MYBPC1: variants seen among roughly 807,000 people sequenced by gnomAD.
The protein encoded by MYBPC1 is myosin-binding protein C, slow-type.
A neutral mutation model predicts 147.1 loss-of-function variants in MYBPC1; 52 were observed. That is an observed-to-expected ratio of 0.35 (90% CI 0.28 to 0.45). The LOEUF (loss-of-function observed/expected upper bound fraction) is 0.45. MYBPC1 is among the 20% of genes least tolerant of loss of function. MYBPC1 has a pLI of 1.00. For synonymous variants in MYBPC1, 477 were observed against 475.9 expected, an observed-to-expected ratio of 1.00 and a Z score of -0.03; for missense variants, 1,228 against 1,440.3, an observed-to-expected ratio of 0.85 and a Z score of 2.39.
Position 101,675,486 on chromosome 12 carries a change from G to C in MYBPC1, c.2949+55G>C, listed in dbSNP as rs1263786. On this transcript the variant is annotated intron_variant, in intron 26 of 31. Coordinates refer to ENST00000361466, the MANE Select transcript of MYBPC1 (RefSeq NM_002465.4). ...TAGCAAAAGGCACATTTCATCAGAG[G>C]TAAAGGAGATGGCACAAGGGCCTCA... is the stretch of plus-strand genomic sequence containing the variant. The C allele has an allele frequency of 0.24, 392,305 of 1,610,550 alleles. 51,562 individuals are homozygous for C. The highest frequency in any genetic ancestry group is 0.57 in the East Asian group (25,345 of 44,828).
At chr12:101,647,262 A>G (rs1893384064) in intron 13 of MYBPC1, among the ~76,000 whole-genome samples, 1 of 152,190 alleles carries the variant, frequency 6.6e-6, no homozygotes, top group African/African-American at 2.4e-5. Flanking sequence ...ATCATTTACT[A>G]AGACATTGTG....
intron 2 of MYBPC1, chr12:101,614,755 TA>T (rs1885433133): frequency 1.7e-6 from 1 of 591,716 alleles, no homozygotes; most frequent in Non-Finnish European, 3.0e-6. Context: ...TCATATATAT[TA>T]GGGGGACAAT....
chr12:101,662,488 A>G lies in MYBPC1; in HGVS notation c.2163A>G (p.Ala721=), dbSNP rs1174214508. The change falls in exon 21 of 32, where the codon GCA becomes GCG. Residue 721 remains alanine (A), a synonymous_variant. Transcript: ENST00000361466. ...EGVAYEVRIF[A]VNAIGISKPS... Reference sequence around the variant, plus strand: ...TGGCCTATGAGGTCCGCATCTTTGCAGTCAATGCCATTGGCATCTCCAAGC... The same window carrying G: ...TGGCCTATGAGGTCCGCATCTTTGCGGTCAATGCCATTGGCATCTCCAAGC... 4 of 1,614,130 alleles carry G rather than the reference A, an allele frequency of 2.5e-6. No individual in the cohort carries two copies. In the Admixed American group the frequency reaches 5.0e-5, roughly 20 times the overall value.
At chr12:101,627,022 A>C in intron 4 of MYBPC1, 112 bp downstream of exon 4, 1 of 1,015,038 alleles carries the variant, frequency 9.9e-7, no homozygotes, top group South Asian at 1.4e-5. Flanking sequence ...GAGCAGGGGC[A>C]ACAGTTTTCG....
intron 10 of MYBPC1, among the ~76,000 whole-genome samples, chr12:101,640,016 T>C (rs981138432): frequency 1.4e-4 from 21 of 151,942 alleles, no homozygotes; most frequent in African/African-American, 4.1e-4. Context: ...ATATACATCT[T>C]TTTTGGGTTT....
chr12:101,595,410 G>A (rs1229331237), intron 1 of MYBPC1, among the ~76,000 whole-genome samples: 1 of 152,062 alleles, frequency 6.6e-6, no homozygotes, highest in African/African-American at 2.4e-5. Flanking sequence ...AACAGATTAC[G>A]TTTTCAAGCA....
chr12:101,651,046 C>A, intron 15 of MYBPC1, 185 bp from the exon 16 acceptor site: 1 of 704,044 alleles, frequency 1.4e-6, no homozygotes, highest in South Asian at 1.8e-5. Context: ...CCTAGTTTTT[C>A]TAAGGAATGA....
chr12:101,675,870 G>A (rs1006895828), intron 26 of MYBPC1, among the ~76,000 whole-genome samples: 6 of 152,180 alleles, frequency 3.9e-5, no homozygotes, highest in Admixed American at 1.3e-4. Context: ...TGGATACTGT[G>A]CACTTATGTC....
At chr12:101,605,161 A>G (rs561507242) in intron 1 of MYBPC1, among the ~76,000 whole-genome samples, 1 of 152,326 alleles carries the variant, frequency 6.6e-6, no homozygotes, top group South Asian at 2.1e-4. Context: ...CTGTTAGGTA[A>G]GTTGCTAGAT....
chr12:101,665,604 T>C (rs1012176021), intron 22 of MYBPC1, among the ~76,000 whole-genome samples: 4 of 152,220 alleles, frequency 2.6e-5, no homozygotes, highest in African/African-American at 9.6e-5. Flanking sequence ...AACTTACATG[T>C]TCCTTCCTCA....
At chr12:101,661,099 C>CTTTTTTTTTTTTT in intron 19 of MYBPC1, 59 bp from the exon 20 acceptor site, 1 of 1,103,860 alleles carries the variant, frequency 9.1e-7, no homozygotes, top group South Asian at 1.3e-5. Context: ...TTCCTATTAA[C>CTTTTTTTTTTTTT]TTTTTTTTTC....
At chr12:101,649,896 C>T (rs1244839201) in intron 15 of MYBPC1, among the ~76,000 whole-genome samples, 1 of 152,188 alleles carries the variant, frequency 6.6e-6, no homozygotes, top group Non-Finnish European at 1.5e-5. Flanking sequence ...TCCCTCAATG[C>T]CCTCTACTTC....
At chr12:101,625,367 C>T (rs1888358891) in intron 3 of MYBPC1, among the ~76,000 whole-genome samples, 1 of 152,152 alleles carries the variant, frequency 6.6e-6, no homozygotes, top group South Asian at 2.1e-4. Flanking sequence ...TCTAACTGGA[C>T]TGCACTTGTT....
chr12:101,599,690 A>G (rs1182594448), intron 1 of MYBPC1, among the ~76,000 whole-genome samples: 1 of 150,014 alleles, frequency 6.7e-6, no homozygotes, highest in Non-Finnish European at 1.5e-5. Context: ...AGAGAAAGGA[A>G]TAGGGGAGGA....
intron 1 of MYBPC1, among the ~76,000 whole-genome samples, chr12:101,606,819 G>C (rs1484952996): frequency 1.3e-5 from 2 of 151,904 alleles, no homozygotes; most frequent in South Asian, 4.2e-4. Flanking sequence ...TTTTGGGGGG[G>C]TACACTGTTT....
rs574672766 is a variant in MYBPC1 at position 101,629,347 on chromosome 12, G to A, written c.179-87G>A. On this transcript the variant is annotated intron_variant, in intron 5 of 31. Transcript: ENST00000361466. ...GTTTATTAGACAAAGAAAAGCTACA[G>A]CGTTGGTGAGAACAACAAATCCAGG... 1,794 of 876,534 alleles carry A rather than the reference G, an allele frequency of 2.0e-3. 2 individuals are homozygous for A. The highest frequency in any genetic ancestry group is 3.1e-3 in the Non-Finnish European group (1,585 of 518,872). 54.3% of individuals were successfully genotyped at this position (876,534 alleles called of 1,614,324 possible).
chr12:101,684,155 A>T (rs1293933886), intron 30 of MYBPC1, among the ~76,000 whole-genome samples: 1 of 152,174 alleles, frequency 6.6e-6, no homozygotes, highest in Non-Finnish European at 1.5e-5. Context: ...GTAGTTGTGC[A>T]TATTAATAAA....
At chr12:101,623,093 C>T (rs1179067073) in intron 3 of MYBPC1, among the ~76,000 whole-genome samples, 1 of 152,168 alleles carries the variant, frequency 6.6e-6, no homozygotes, top group Non-Finnish European at 1.5e-5. Context: ...AATCCCAGCA[C>T]TTTGGGAGGC....
chr12:101,666,734 A>C, intron 22 of MYBPC1: 1 of 1,612,570 alleles, frequency 6.2e-7, no homozygotes, highest in Non-Finnish European at 8.5e-7. Flanking sequence ...TTAATGACGG[A>C]TTCTCAAAGG....
Sources: gnomAD v4.1 joint callset for allele counts (sites outside exome capture counted in the v4.1 genomes callset) on GRCh38, gnomAD v4.1.1 for gene constraint, MANE v1.5 for transcripts, NCBI Gene and HGNC (gene_info 2026-07-23, HGNC 2026-07-21) for gene names.